FAF1: variants seen among roughly 807,000 people sequenced by gnomAD.
FAF1 encodes the protein Fas associated factor 1, also known as FAS-associated factor 1.
Under a neutral mutation model 92.5 loss-of-function variants are expected in FAF1, and 25 were observed. That is an observed-to-expected ratio of 0.27 (90% CI 0.20 to 0.38). The LOEUF (loss-of-function observed/expected upper bound fraction) is 0.38, where lower values mean the gene tolerates loss of function less well. Among genes scored for constraint, FAF1 ranks in the 10% least tolerant of loss-of-function variants. The probability of loss-of-function intolerance (pLI) is 1.00; values close to 1 mark genes in which losing one functional copy is unlikely to be tolerated. For synonymous variants in FAF1, 234 were observed against 273.2 expected (o/e 0.86, Z 1.42); for missense variants, 636 against 793.3 (o/e 0.80, Z 2.38).
intron 13 of FAF1, among the ~76,000 whole-genome samples, chr1:50,554,360 G>A (rs979902867): frequency 6.9e-5 from 8 of 116,624 alleles, no homozygotes; most frequent in African/African-American, 2.9e-4. Flanking sequence ...GATTAAATGA[G>A]GTAAATATAT....
intron 8 of FAF1, among the ~76,000 whole-genome samples, chr1:50,642,142 G>A (rs1654364455): frequency 6.6e-6 from 1 of 150,854 alleles, no homozygotes; most frequent in Admixed American, 6.6e-5. Flanking sequence ...GGCGGAGGTT[G>A]CAGTGAGCCA....
chr1:50,945,039 C>T lies in FAF1; in HGVS notation c.45+14728G>A, dbSNP rs1040147791. ...AGGTGAAGGATGTAGAATCAGAAATCGTTGAGTCAATTTTTGAAGAAGCTG... is the reference window on the plus strand; with the variant it reads ...AGGTGAAGGATGTAGAATCAGAAATTGTTGAGTCAATTTTTGAAGAAGCTG... On this transcript the variant is annotated intron_variant, in intron 1 of 18. Transcript: ENST00000396153. 5.3e-5 allele frequency among the ~76,000 whole-genome samples: 8 copies of T among 152,126 alleles called. No homozygotes were observed. In the East Asian group the frequency reaches 1.3e-3, roughly 26 times the overall value.
chr1:50,886,784 G>T (rs182231322), intron 1 of FAF1, among the ~76,000 whole-genome samples: 42 of 152,138 alleles, frequency 2.8e-4, no homozygotes, highest in African/African-American at 1.0e-3. Flanking sequence ...ATCATTGATG[G>T]ACATTTAGGT....
intron 1 of FAF1, among the ~76,000 whole-genome samples, chr1:50,957,347 C>CTTTTTTTTTT (rs1188286312): frequency 5.8e-5 from 6 of 104,244 alleles, no homozygotes; most frequent in African/African-American, 7.6e-5. Context: ...TTTTCATTTT[C>CTTTTTTTTTT]TTTTTTTTTT....
Position 50,437,135 on chromosome 1 carries a change from GATT to G in FAF1, c.*4302_*4304del, listed in dbSNP as rs1308080656. ...GGGTTAAGTGTCACCTTCCAAAGCA[GATT>G]ATTTGAGACAAGGACAAAATACTAA... is the stretch of plus-strand genomic sequence containing the variant. On this transcript the variant is annotated 3_prime_UTR_variant, in exon 19 of 19. Transcript: ENST00000396153. 1 of 152,216 alleles carries G rather than the reference GATT, an allele frequency of 6.6e-6. No homozygotes were observed. The highest frequency in any genetic ancestry group is 1.9e-4 in the East Asian group (1 of 5,196). The allele number at this position is 152,216 out of a possible 1,614,324, so 9.4% of individuals were successfully genotyped here. A position where few individuals can be genotyped will look rare whatever the true frequency, so the allele number is the denominator to read the frequency against.
At chr1:50,536,210 C>A (rs1241676092) in intron 14 of FAF1, among the ~76,000 whole-genome samples, 1 of 152,084 alleles carries the variant, frequency 6.6e-6, no homozygotes, top group East Asian at 1.9e-4. Context: ...GTTTGATTTT[C>A]TTTAATGTCA....
chr1:50,952,326 T>C (rs1262863945), intron 1 of FAF1, among the ~76,000 whole-genome samples: 1 of 152,230 alleles, frequency 6.6e-6, no homozygotes, highest in Non-Finnish European at 1.5e-5. Flanking sequence ...GCCGGGCTGG[T>C]TTCCAGCTCC....
intron 1 of FAF1, among the ~76,000 whole-genome samples, chr1:50,902,503 T>C (rs557502986): frequency 2.6e-5 from 4 of 152,308 alleles, no homozygotes; most frequent in South Asian, 2.1e-4. Flanking sequence ...TACTTAAAAT[T>C]TTTAAATTAC....
intron 1 of FAF1, among the ~76,000 whole-genome samples, chr1:50,880,996 A>T (rs1378403572): frequency 6.6e-6 from 1 of 152,168 alleles, no homozygotes; most frequent in African/African-American, 2.4e-5. Context: ...TATATATTTT[A>T]AATGTCAACA....
chr1:50,490,381 CAAAAAGGAAGGAAGGAAGGAAGGA>C lies in FAF1; in HGVS notation c.1653+183_1653+206del. Among the ~76,000 whole-genome samples, 2 of 110,684 alleles carry C rather than the reference CAAAAAGGAAGGAAGGAAGGAAGGA, an allele frequency of 1.8e-5. 1 individual carries two copies. Among genetic ancestry groups the C allele is most frequent in the South Asian group, 6.3e-4 (2 of 3,154 alleles). 72.6% of individuals were successfully genotyped at this position (110,684 alleles called of 152,430 possible). ...GGGTGACAGAGCGAAGACTCTATCT[CAAAAAGGAAGGAAGGAAGGAAGGA>C]AGGAAGGAAGGAAGGAAGGAAGGAA... On this transcript the variant is annotated intron_variant, in intron 17 of 18. Coordinates refer to ENST00000396153, the MANE Select transcript of FAF1 (RefSeq NM_007051.3).
At chr1:50,451,885 G>A (rs1409454948) in intron 18 of FAF1, 4 of 1,079,016 alleles carry the variant, frequency 3.7e-6, no homozygotes, top group Non-Finnish European at 4.5e-6. Context: ...CAGCTCTAAG[G>A]TATTATAATG....
Position 50,582,695 on chromosome 1 carries a change from C to A in FAF1, c.1036G>T (p.Gly346Cys). 2 of 1,598,940 alleles carry A rather than the reference C, an allele frequency of 1.3e-6. No individual in the cohort carries two copies. The highest frequency in any genetic ancestry group is 2.2e-5 in the South Asian group (2 of 90,746). ...ATAAAAAATACAGGATGGCAATCAC[C>A]ATATCTATAGGAAAAAGTGAGTCTA... is the stretch of plus-strand genomic sequence containing the variant. ...QFTAEFSSRY[G>C]DCHPVFFIGS... The change falls in exon 12 of 19, where the codon GGT becomes TGT. Residue 346 changes from glycine (G) to cysteine (C), a missense_variant. Around this residue, in one of 2 missense-constraint regions of FAF1, gnomAD observed 319 missense variants for 451.0 expected, o/e 0.71. Transcript: ENST00000396153.
chr1:50,847,476 T>C (rs1265026341), intron 2 of FAF1, among the ~76,000 whole-genome samples: 1 of 143,568 alleles, frequency 7.0e-6, no homozygotes, highest in Non-Finnish European at 1.5e-5. Flanking sequence ...GTCTCATCAG[T>C]AGAACTGACA....
At chr1:50,683,922 C>T (rs1165621395) in intron 7 of FAF1, among the ~76,000 whole-genome samples, 2 of 147,596 alleles carry the variant, frequency 1.4e-5, no homozygotes, top group South Asian at 4.2e-4. Flanking sequence ...ACAAGGGCAA[C>T]ACTCCATCAA....
intron 7 of FAF1, among the ~76,000 whole-genome samples, chr1:50,702,738 C>A (rs1263864631): frequency 1.3e-5 from 2 of 152,120 alleles, no homozygotes; most frequent in Non-Finnish European, 2.9e-5. Context: ...CAGCAGACCA[C>A]AAAGCCAGAA....
intron 15 of FAF1, among the ~76,000 whole-genome samples, chr1:50,514,228 A>T (rs1647175819): frequency 6.6e-6 from 1 of 152,234 alleles, no homozygotes; most frequent in African/African-American, 2.4e-5. Context: ...GACCTTAAGC[A>T]AACTGAAGAG....
chr1:50,926,339 T>C (rs965915079), intron 1 of FAF1, among the ~76,000 whole-genome samples: 1 of 152,088 alleles, frequency 6.6e-6, no homozygotes, highest in African/African-American at 2.4e-5. Flanking sequence ...GAAAGATAAA[T>C]ACATGCTCTC....
intron 4 of FAF1, among the ~76,000 whole-genome samples, chr1:50,773,655 A>G (rs1366820451): frequency 6.6e-6 from 1 of 152,214 alleles, no homozygotes; most frequent in Non-Finnish European, 1.5e-5. Flanking sequence ...TAGAGGGTAT[A>G]ATGGTAGTTA....
intron 7 of FAF1, among the ~76,000 whole-genome samples, chr1:50,696,025 T>C (rs1476444763): frequency 1.3e-5 from 2 of 151,712 alleles, no homozygotes; most frequent in African/African-American, 4.8e-5. Context: ...TTATTTAAGA[T>C]TCTCCACATG....
Sources: allele counts gnomAD v4.1 joint callset (sites outside exome capture counted in the v4.1 genomes callset), GRCh38; gene constraint gnomAD v4.1.1; regional missense constraint gnomAD v4.1.1; transcripts MANE v1.5; gene names NCBI Gene and HGNC (gene_info 2026-07-23, HGNC 2026-07-21).